The following SDHC variants were observed in gnomAD, a reference collection of about 807,000 sequenced individuals.
The protein encoded by SDHC is succinate dehydrogenase complex subunit C, also known as succinate dehydrogenase cytochrome b560 subunit, mitochondrial.
Under a neutral mutation model 22.6 loss-of-function variants are expected in SDHC, and 11 were observed. The ratio of observed to expected loss-of-function variants is 0.49; its 90% CI spans 0.31 to 0.81. The LOEUF (loss-of-function observed/expected upper bound fraction) is 0.81. Ranked by LOEUF, SDHC falls within the 30% of genes least tolerant of loss-of-function variation. The pLI, the probability that SDHC is intolerant of heterozygous loss-of-function variation, is 0.05. For missense variants in SDHC, 160 were observed against 212.0 expected (o/e 0.75, Z 1.52); for synonymous variants, 80 against 77.8 (o/e 1.03, Z -0.15).
At chr1:161,325,347 A>G (rs1671011744) in intron 2 of SDHC, among the ~76,000 whole-genome samples, 1 of 151,710 alleles carries the variant, frequency 6.6e-6, no homozygotes, top group South Asian at 2.1e-4. Context: ...GTCTCAATAA[A>G]TAAATAAATA....
chr1:161,340,045 C>T lies in SDHC; in HGVS notation c.180-549C>T, dbSNP rs889109059. Among the ~76,000 whole-genome samples the T allele has an allele frequency of 3.9e-5, 6 of 152,086 alleles. No individual in the cohort carries two copies. In the South Asian group the frequency reaches 6.2e-4, roughly 16 times the overall value. On this transcript the variant is annotated intron_variant, in intron 3 of 5. Transcript: ENST00000367975. ...GGCACAGTGGCTCACACCTGTAATT[C>T]CAGTACTTTGGGAGGCCGAGGTGGG...
intron 2 of SDHC, among the ~76,000 whole-genome samples, chr1:161,324,548 T>G (rs1460950710): frequency 6.6e-6 from 1 of 152,260 alleles, no homozygotes; most frequent in Non-Finnish European, 1.5e-5. Flanking sequence ...CACCCACATT[T>G]GCCAACTGTT....
chr1:161,315,473 C>G (rs973189398), intron 1 of SDHC, among the ~76,000 whole-genome samples: 8 of 152,178 alleles, frequency 5.3e-5, no homozygotes, highest in Non-Finnish European at 1.0e-4. Context: ...CTTGCCAGTG[C>G]TGTCTTCTTT....
chr1:161,338,547 A>G (rs1023895991), intron 3 of SDHC, among the ~76,000 whole-genome samples: 2 of 152,226 alleles, frequency 1.3e-5, no homozygotes, highest in African/African-American at 4.8e-5. Context: ...TTGTCCTTCA[A>G]TGGAAAGTTG....
intron 1 of SDHC, 105 bp downstream of exon 1, chr1:161,314,530 A>G (rs1315447335): frequency 7.0e-7 from 1 of 1,424,100 alleles, no homozygotes. Context: ...GGGCAGGGAA[A>G]GGACCCATGG....
intron 5 of SDHC, among the ~76,000 whole-genome samples, chr1:161,358,032 CTT>C (rs34253350): frequency 2.7e-3 from 280 of 104,806 alleles, no homozygotes; most frequent in Middle Eastern, 5.7e-3. Context: ...GGTTAGGAAT[CTT>C]TTTTTTTTTT....
At chr1:161,350,550 A>G (rs948643730) in intron 4 of SDHC, among the ~76,000 whole-genome samples, 6 of 152,162 alleles carry the variant, frequency 3.9e-5, no homozygotes, top group Admixed American at 2.6e-4. Flanking sequence ...AATATGTACA[A>G]TTTTTTCATG....
intron 4 of SDHC, among the ~76,000 whole-genome samples, chr1:161,354,246 C>G (rs1194745375): frequency 6.6e-6 from 1 of 152,218 alleles, no homozygotes; most frequent in Non-Finnish European, 1.5e-5. Flanking sequence ...ACCCTCATTT[C>G]TTGTTCCACA....
At chr1:161,331,564 A>C (rs1415656859) in intron 3 of SDHC, among the ~76,000 whole-genome samples, 1 of 146,482 alleles carries the variant, frequency 6.8e-6, no homozygotes, top group African/African-American at 2.5e-5. Flanking sequence ...TTATGTGTGA[A>C]CCACTGTACC....
chr1:161,356,508 C>T (rs1672277959), intron 4 of SDHC, among the ~76,000 whole-genome samples, 169 bp from the exon 5 acceptor site: 1 of 152,074 alleles, frequency 6.6e-6, no homozygotes, highest in South Asian at 2.1e-4. Context: ...CACTATACTC[C>T]AGCCTGGGTG....
chr1:161,321,516 G>T (rs1261586478), intron 1 of SDHC, among the ~76,000 whole-genome samples: 1 of 152,138 alleles, frequency 6.6e-6, no homozygotes, highest in African/African-American at 2.4e-5. Flanking sequence ...ACTGGGCCTA[G>T]CCTGGTGTGA....
chr1:161,343,718 G>A (rs917087350), intron 4 of SDHC, among the ~76,000 whole-genome samples: 4 of 152,028 alleles, frequency 2.6e-5, no homozygotes, highest in Admixed American at 2.6e-4. Flanking sequence ...ACTCAGTTTG[G>A]TGATATTGAT....
chr1:161,357,387 C>CT (rs942199887), intron 5 of SDHC, among the ~76,000 whole-genome samples: 7 of 151,958 alleles, frequency 4.6e-5, no homozygotes, highest in African/African-American at 1.5e-4. Flanking sequence ...GGAACTCTTC[C>CT]TTTTTTAATT....
At chr1:161,330,278 G>T (rs946878709) in intron 3 of SDHC, among the ~76,000 whole-genome samples, 6 of 152,174 alleles carry the variant, frequency 3.9e-5, no homozygotes, top group African/African-American at 1.4e-4. Flanking sequence ...GAGGCTCTGG[G>T]TATAATCCTT....
intron 4 of SDHC, among the ~76,000 whole-genome samples, chr1:161,347,585 G>A (rs1177641108): frequency 6.6e-6 from 1 of 151,256 alleles, no homozygotes; most frequent in Non-Finnish European, 1.5e-5. Flanking sequence ...GGTGTTTATG[G>A]GGCCAGGCGC....
chr1:161,357,216 C>T (rs575606147), intron 5 of SDHC, among the ~76,000 whole-genome samples: 3 of 151,082 alleles, frequency 2.0e-5, no homozygotes, highest in South Asian at 2.1e-4. Flanking sequence ...CGTGAGCCAC[C>T]GCGCCCAGCT....
intron 2 of SDHC, among the ~76,000 whole-genome samples, chr1:161,324,133 A>G (rs1383834105): frequency 6.6e-6 from 1 of 152,006 alleles, no homozygotes; most frequent in Non-Finnish European, 1.5e-5. Flanking sequence ...GTTTGTGTGT[A>G]TGTGTGTTGT....
chr1:161,344,103 G>A lies in SDHC; in HGVS notation c.241+3448G>A, dbSNP rs971236891. Among the ~76,000 whole-genome samples, 16 of 151,924 alleles carry A rather than the reference G, an allele frequency of 1.1e-4. No homozygotes were observed. The East Asian group carries it at 1.9e-3, about 18-fold the overall frequency. On this transcript the variant is annotated intron_variant, in intron 4 of 5. Transcript: ENST00000367975. ...AGATCGAGACCATCCTGGCTAACAC[G>A]GTGAAACCCCGTCTCTACTAAAAAA...
At chr1:161,356,400 G>A (rs967382824) in intron 4 of SDHC, among the ~76,000 whole-genome samples, 23 of 152,164 alleles carry the variant, frequency 1.5e-4, no homozygotes, top group African/African-American at 2.2e-4. Flanking sequence ...TTAGCTGGGC[G>A]TTGTGGTGGG....
Sources: allele counts gnomAD v4.1 joint callset (sites outside exome capture counted in the v4.1 genomes callset), GRCh38; gene constraint gnomAD v4.1.1; transcripts MANE v1.5; gene names NCBI Gene and HGNC (gene_info 2026-07-23, HGNC 2026-07-21).